The following DOCK9 variants were observed in gnomAD, a reference collection of about 807,000 sequenced individuals.
DOCK9 encodes dedicator of cytokinesis protein 9.
DOCK9 carries 89 observed loss-of-function variants against 263.3 expected under a neutral mutation model. That is an observed-to-expected ratio of 0.34 (90% CI 0.28 to 0.40). The LOEUF (loss-of-function observed/expected upper bound fraction) is 0.40, where lower values mean the gene tolerates loss of function less well. DOCK9 is among the 10% of genes least tolerant of loss of function. The pLI is 1.00. For synonymous variants in DOCK9, 976 were observed against 973.1 expected, an observed-to-expected ratio of 1.00 and a Z score of -0.06; for missense variants, 2,140 against 2,603.4, an observed-to-expected ratio of 0.82 and a Z score of 3.87.
chr13:98,949,817 C>T (rs779866808), intron 2 of DOCK9: 6 of 473,564 alleles, frequency 1.3e-5, no homozygotes, highest in Non-Finnish European at 2.1e-5. Context: ...GATGGGCCAC[C>T]GAGAGGTGGA....
rs138252258 is a variant in DOCK9 at position 98,800,218 on chromosome 13, A to C, written c.5916+70T>G. The C allele has an allele frequency of 3.3e-4, 484 of 1,472,448 alleles. No homozygotes were observed. In the African/African-American group the frequency reaches 5.8e-3, roughly 18 times the overall value. The allele number at this position is 1,472,448 out of a possible 1,614,324, so 91.2% of individuals were successfully genotyped here. On this transcript the variant is annotated intron_variant, in intron 50 of 52. Coordinates refer to ENST00000682017, the MANE Select transcript of DOCK9 (RefSeq NM_001366683.2). The stretch of plus-strand genomic sequence containing the variant: ...GCTCTCAAGTAGACCTTGTTAGTGG[A>C]AACGACTCTCAAGTCACCCAGGGGC...
At chr13:98,991,353 A>C (rs530266666) in intron 1 of DOCK9, among the ~76,000 whole-genome samples, 1 of 152,254 alleles carries the variant, frequency 6.6e-6, no homozygotes, top group South Asian at 2.1e-4. Context: ...TACAGGCGCG[A>C]GCCACCGCAC....
At chr13:98,838,087 T>G (rs1030083503) in intron 38 of DOCK9, among the ~76,000 whole-genome samples, 1 of 152,176 alleles carries the variant, frequency 6.6e-6, no homozygotes, top group Non-Finnish European at 1.5e-5. Flanking sequence ...GCAGGAGTGC[T>G]GGCAGAGGCT....
intron 1 of DOCK9, among the ~76,000 whole-genome samples, chr13:98,959,778 G>C (rs1480725486): frequency 6.6e-6 from 1 of 152,238 alleles, no homozygotes; most frequent in Non-Finnish European, 1.5e-5. Context: ...AATGGCAGAA[G>C]AGAGGGGCTT....
At chr13:98,893,421 T>C (rs1011422687) in intron 15 of DOCK9, among the ~76,000 whole-genome samples, 2 of 152,218 alleles carry the variant, frequency 1.3e-5, no homozygotes, top group African/African-American at 4.8e-5. Context: ...ATCTTATCCA[T>C]GAGATACCAC....
Position 98,992,402 on chromosome 13 carries a change from C to T in DOCK9, c.130-36851G>A, listed in dbSNP as rs142799311. ...CCTCCTCGGAGCTACCATGAGCCTC[C>T]CCTCCCAGCTTCCCTTCAGTTGGGT... is the stretch of plus-strand genomic sequence containing the variant. On this transcript the variant is annotated intron_variant, in intron 1 of 32. Transcript: ENST00000427887. 9.9e-3 allele frequency among the ~76,000 whole-genome samples: 1,515 copies of T among 152,262 alleles called. 25 individuals carry two copies. The highest frequency in any genetic ancestry group is 0.034 in the African/African-American group (1,419 of 41,554).
At chr13:98,904,746 C>A in intron 9 of DOCK9, 40 bp from the exon 10 acceptor site, 1 of 1,517,040 alleles carries the variant, frequency 6.6e-7, no homozygotes, top group Non-Finnish European at 8.9e-7. Context: ...TAACACAATC[C>A]TTTTCTTGCA....
intron 2 of DOCK9, among the ~76,000 whole-genome samples, chr13:98,932,174 C>T (rs915014735): frequency 4.6e-5 from 7 of 151,004 alleles, no homozygotes; most frequent in Non-Finnish European, 8.9e-5. Flanking sequence ...GGGTGGATAA[C>T]TTGAGGTCAG....
In DOCK9 at chr13:98,829,265, G is replaced by GT. The variant is rs749126939; in HGVS notation, c.4965+41dup. On this transcript the variant is annotated intron_variant, in intron 43 of 52. Coordinates refer to ENST00000682017, the MANE Select transcript of DOCK9 (RefSeq NM_001366683.2). The surrounding 1 kb of genome is among the most constrained non-coding windows in gnomAD (Gnocchi z 4.1). ...TTTTTAAGTGAATGGGGCCTCACTG[G>GT]TTTTTTCAAAAACCCATTCAAGCGG... 1 of 1,559,310 alleles carries GT rather than the reference G, an allele frequency of 6.4e-7. No homozygotes were observed.
chr13:99,061,158 T>C (rs940712422), intron 1 of DOCK9, among the ~76,000 whole-genome samples: 3 of 152,210 alleles, frequency 2.0e-5, no homozygotes, highest in Non-Finnish European at 2.9e-5. Flanking sequence ...AAATGTTTAC[T>C]GAGATAAAAC....
At chr13:98,885,286 T>G (rs576289264) in intron 20 of DOCK9, 194 bp from the exon 21 acceptor site, 21 of 716,138 alleles carry the variant, frequency 2.9e-5, no homozygotes, top group Non-Finnish European at 4.2e-5. Context: ...GGGGTTAGAA[T>G]TCTACAATCT....
At chr13:98,978,138 T>C, upstream of DOCK9, 1 of 1,363,256 alleles carries the variant, frequency 7.3e-7, no homozygotes, top group African/African-American at 1.5e-5. Context: ...GGGAGGCTCC[T>C]ACTTGCTGGC....
chr13:98,990,245 C>T (rs1441320191), intron 1 of DOCK9, among the ~76,000 whole-genome samples: 1 of 152,216 alleles, frequency 6.6e-6, no homozygotes, highest in East Asian at 1.9e-4. Context: ...CTTCCGTATG[C>T]ATTCTTCACA....
At chr13:98,814,201 A>T (rs2091593750) in intron 45 of DOCK9, among the ~76,000 whole-genome samples, 1 of 152,242 alleles carries the variant, frequency 6.6e-6, no homozygotes, top group African/African-American at 2.4e-5. Context: ...CGAGTCATAA[A>T]AGTGTCATTT....
At chr13:98,979,154 T>G (rs1876214362), upstream of DOCK9, among the ~76,000 whole-genome samples, 1 of 149,304 alleles carries the variant, frequency 6.7e-6, no homozygotes, top group Non-Finnish European at 1.5e-5. Flanking sequence ...GCCGTAGCAG[T>G]AGCAGTAACA....
At chr13:98,974,704 C>A (rs2060052619) in intron 1 of DOCK9, among the ~76,000 whole-genome samples, 1 of 123,562 alleles carries the variant, frequency 8.1e-6, no homozygotes, top group South Asian at 2.9e-4. Flanking sequence ...GAGCCGAGAT[C>A]ATGCCATTGT....
At chr13:98,921,356 T>C (rs1188611402) in intron 6 of DOCK9, among the ~76,000 whole-genome samples, 2 of 152,176 alleles carry the variant, frequency 1.3e-5, no homozygotes, top group Non-Finnish European at 2.9e-5. Flanking sequence ...CCAAAAGCAG[T>C]GCAGGGACTT....
Position 98,951,216 on chromosome 13 carries a change from C to A in DOCK9, c.243+4219G>T, listed in dbSNP as rs139831544. Among the ~76,000 whole-genome samples the A allele has an allele frequency of 2.5e-3, 379 of 152,294 alleles. 3 individuals carry two copies. The highest frequency in any genetic ancestry group is 8.8e-3 in the African/African-American group (367 of 41,572). On this transcript the variant is annotated intron_variant, in intron 2 of 52. Coordinates refer to ENST00000682017, the MANE Select transcript of DOCK9 (RefSeq NM_001366683.2). ...AATCACTAGGAAAAAATACTCCTCT[C>A]CAGTCCCTGTTTTACCTGCATTTTT...
At chr13:99,051,846 C>T (rs1789352115) in intron 1 of DOCK9, among the ~76,000 whole-genome samples, 1 of 90,064 alleles carries the variant, frequency 1.1e-5, no homozygotes, top group Non-Finnish European at 2.2e-5. Context: ...GAACATGTTC[C>T]ACTAGTGGCA....
Sources: gnomAD v4.1 joint callset for allele counts (sites outside exome capture counted in the v4.1 genomes callset) on GRCh38, gnomAD v4.1.1 for gene constraint, Gnocchi (gnomAD v3.1) non-coding constraint, MANE v1.5 for transcripts, NCBI Gene and HGNC (gene_info 2026-07-23, HGNC 2026-07-21) for gene names.